Variants in LARP4B observed in about 807,000 individuals in gnomAD.
The protein encoded by LARP4B is La ribonucleoprotein 4B.
A neutral mutation model predicts 89.8 loss-of-function variants in LARP4B; 12 were observed. The ratio of observed to expected loss-of-function variants is 0.13; its 90% CI spans 0.09 to 0.22. LARP4B has a LOEUF of 0.22. LARP4B is among the 10% of genes least tolerant of loss of function. The pLI is 1.00. For missense variants in LARP4B, 757 were observed against 947.7 expected, an observed-to-expected ratio of 0.80 and a Z score of 2.64; for synonymous variants, 367 against 363.3, an observed-to-expected ratio of 1.01 and a Z score of -0.12.
In LARP4B at chr10:843,133, T is replaced by G. The variant is rs1833604618; in HGVS notation, c.510-65A>C. ...TAAAAGGAAGTTTCACCTACTGTAA[T>G]TCCAGTTTCACAAGAGGCGTGAGTG... On this transcript the variant is annotated intron_variant, in intron 6 of 17. Coordinates refer to ENST00000316157, the MANE Select transcript of LARP4B (RefSeq NM_015155.3). The G allele has an allele frequency of 5.0e-5, 72 of 1,445,526 alleles. No homozygotes were observed. In the South Asian group the frequency reaches 8.7e-4, roughly 17 times the overall value. The allele number at this position is 1,445,526 out of a possible 1,614,324, so 89.5% of individuals were successfully genotyped here.
the LARP4B span, among the ~76,000 whole-genome samples, chr10:979,684 G>A: frequency 3.1e-3 from 472 of 152,308 alleles, 4 homozygotes; most frequent in African/African-American, 0.01. Flanking sequence ...TGTTAATAGT[G>A]TCTTCAGCCA....
At chr10:820,870 T>C (rs1411116537) in intron 13 of LARP4B, 25 bp from the exon 14 acceptor site, 4 of 1,607,632 alleles carry the variant, frequency 2.5e-6, no homozygotes, top group Non-Finnish European at 3.4e-6. Context: ...AGTGAAAGAC[T>C]GTTATTTTTT....
chr10:873,139 G>A, intron 3 of LARP4B: 1 of 985,336 alleles, frequency 1.0e-6, no homozygotes, highest in Non-Finnish European at 1.2e-6. Flanking sequence ...TGAAGCAGCA[G>A]CCCATGTTTG....
intron 3 of LARP4B, among the ~76,000 whole-genome samples, chr10:865,270 G>T (rs1834841003): frequency 6.6e-6 from 1 of 152,150 alleles, no homozygotes; most frequent in Non-Finnish European, 1.5e-5. Context: ...GACAGCTGTG[G>T]AACATGGGCT....
chr10:893,093 C>T lies in LARP4B; in HGVS notation c.-39-7333G>A, dbSNP rs564877909. On this transcript the variant is annotated intron_variant, in intron 1 of 17. Coordinates refer to ENST00000316157, the MANE Select transcript of LARP4B (RefSeq NM_015155.3). ...ACCCTTTTTTTTCTTTTTTTTTTCCCAGTAGAGACGGGATTTTGTCATGTT... is the reference window on the plus strand; with the variant it reads ...ACCCTTTTTTTTCTTTTTTTTTTCCTAGTAGAGACGGGATTTTGTCATGTT... 1.5e-4 allele frequency among the ~76,000 whole-genome samples: 22 copies of T among 148,188 alleles called. No homozygotes were observed. In the Middle Eastern group the frequency reaches 0.01, roughly 70 times the overall value.
At chr10:807,328 T>C (rs2131573765), downstream of LARP4B, 1 of 152,342 alleles carries the variant, frequency 6.6e-6, no homozygotes, top group African/African-American at 2.4e-5. Flanking sequence ...TTCTATACAC[T>C]CACATCCTAT....
chr10:849,152 T>G (rs1833922265), intron 5 of LARP4B, among the ~76,000 whole-genome samples: 1 of 151,880 alleles, frequency 6.6e-6, no homozygotes, highest in Admixed American at 6.6e-5. Flanking sequence ...AGAAGAAGGC[T>G]GCTCCAAAGG....
At chr10:915,097 A>C (rs55742421) in intron 1 of LARP4B, among the ~76,000 whole-genome samples, 19,324 of 152,144 alleles carry the variant, frequency 0.13, 1,614 homozygotes, top group Non-Finnish European at 0.19. Flanking sequence ...GTGGTTGTAA[A>C]AAGTTTATGG....
chr10:987,692 T>C, the LARP4B span: 2 of 152,280 alleles, frequency 1.3e-5, no homozygotes, highest in African/African-American at 4.8e-5. Context: ...GCGGCCACTC[T>C]ATTCACAAAC....
At chr10:890,890 C>G (rs960181504) in intron 1 of LARP4B, among the ~76,000 whole-genome samples, 4 of 152,020 alleles carry the variant, frequency 2.6e-5, no homozygotes, top group Admixed American at 6.6e-5. Flanking sequence ...AACATCAATT[C>G]CCACACAACC....
chr10:945,723 G>A, the LARP4B span, among the ~76,000 whole-genome samples: 2 of 151,680 alleles, frequency 1.3e-5, no homozygotes, highest in East Asian at 1.9e-4. Context: ...GCATTACTAT[G>A]TGTTAGGAAC....
At chr10:934,314 T>C (rs1268312560), upstream of LARP4B, among the ~76,000 whole-genome samples, 1 of 151,724 alleles carries the variant, frequency 6.6e-6, no homozygotes, top group African/African-American at 2.4e-5. Flanking sequence ...CTGGGCAATA[T>C]GTCAAAGCCC....
At chr10:834,680 A>T (rs1274733024) in intron 8 of LARP4B, among the ~76,000 whole-genome samples, 1 of 152,232 alleles carries the variant, frequency 6.6e-6, no homozygotes, top group Non-Finnish European at 1.5e-5. Flanking sequence ...GTTTTACAAA[A>T]GACATAAGGT....
the LARP4B span, among the ~76,000 whole-genome samples, chr10:937,312 G>A: frequency 3.3e-5 from 5 of 152,082 alleles, no homozygotes; most frequent in African/African-American, 1.2e-4. Flanking sequence ...CAAAATGCTG[G>A]GATTACAGAT....
intron 8 of LARP4B, among the ~76,000 whole-genome samples, chr10:834,763 A>T (rs2131686462): frequency 6.6e-6 from 1 of 152,352 alleles, no homozygotes; most frequent in East Asian, 1.9e-4. Flanking sequence ...TCCTTGGTTA[A>T]AGTTTTACAA....
chr10:988,109 G>A, the LARP4B span: 1 of 202,770 alleles, frequency 4.9e-6, no homozygotes, highest in Admixed American at 6.1e-5. Context: ...CAAATCCCAA[G>A]ACCCCGGACC....
At position 921,611 on chromosome 10, in the gene LARP4B, T is replaced by TA. The variant is rs201856963; in HGVS notation, c.-40+9816dup. On this transcript the variant is annotated intron_variant, in intron 1 of 17. Coordinates refer to ENST00000316157, the MANE Select transcript of LARP4B (RefSeq NM_015155.3). ...CTGTGTGGCCTTGCCTGAAAGATAA[T>TA]AAAACTTGTGGTCACTCGGAATCCT... is the stretch of plus-strand genomic sequence containing the variant. Among the ~76,000 whole-genome samples the TA allele has an allele frequency of 9.6e-3, 1,460 of 152,256 alleles. 21 individuals carry two copies. Among genetic ancestry groups the TA allele is most frequent in the African/African-American group, 0.032 (1,309 of 41,534 alleles).
At chr10:819,425 T>C (rs374773361) in intron 14 of LARP4B, 3 of 152,262 alleles carry the variant, frequency 2.0e-5, no homozygotes, top group East Asian at 3.9e-4. Context: ...TCAGGTCCCA[T>C]GGGCGTGGTT....
At chr10:890,664 T>TC (rs1835989984) in intron 1 of LARP4B, among the ~76,000 whole-genome samples, 1 of 152,188 alleles carries the variant, frequency 6.6e-6, no homozygotes, top group African/African-American at 2.4e-5. Context: ...CAATGAAGAA[T>TC]CCCTGGAGCA....
Sources: gnomAD v4.1 joint callset for allele counts (sites outside exome capture counted in the v4.1 genomes callset) on GRCh38, gnomAD v4.1.1 for gene constraint, MANE v1.5 for transcripts, NCBI Gene and HGNC (gene_info 2026-07-23, HGNC 2026-07-21) for gene names.